ABRACL: variants seen among roughly 807,000 people sequenced by gnomAD.
ABRACL encodes costars family protein ABRACL.
A neutral mutation model predicts 7.0 loss-of-function variants in ABRACL; 4 were observed. That is an observed-to-expected ratio of 0.57 (90% confidence interval 0.28 to 1.30). The LOEUF is 1.30. ABRACL is among the 50% of genes most tolerant of loss of function. ABRACL has a pLI of 0.10. For missense variants in ABRACL, 104 were observed against 97.3 expected (o/e 1.07, Z -0.29); for synonymous variants, 30 against 36.0 (o/e 0.83, Z 0.60).
At chr6:139,041,511 G>GTT (rs1269099193) in intron 2 of ABRACL, among the ~76,000 whole-genome samples, 1 of 32,190 alleles carries the variant, frequency 3.1e-5, no homozygotes, top group African/African-American at 1.0e-4. Context: ...GTGTGTGTGT[G>GTT]TGTATATATA....
At chr6:139,040,626 C>T (rs2114315065) in intron 2 of ABRACL, among the ~76,000 whole-genome samples, 1 of 152,298 alleles carries the variant, frequency 6.6e-6, no homozygotes, top group South Asian at 2.1e-4. Context: ...CCACTTCTAC[C>T]TGTAATCAGT....
chr6:139,032,534 T>A (rs1786097693), intron 1 of ABRACL, among the ~76,000 whole-genome samples: 1 of 152,222 alleles, frequency 6.6e-6, no homozygotes, highest in African/African-American at 2.4e-5. Flanking sequence ...CTTTTAATAA[T>A]TAGCAGATAG....
chr6:139,034,119 T>G, intron 1 of ABRACL, 36 bp from the exon 2 acceptor site: 1 of 1,613,476 alleles, frequency 6.2e-7, no homozygotes, highest in Non-Finnish European at 8.5e-7. Flanking sequence ...TGGAATGTAA[T>G]GGTGATAATT....
intron 2 of ABRACL, among the ~76,000 whole-genome samples, chr6:139,041,531 A>T (rs9766363): frequency 0.26 from 32,109 of 125,490 alleles, 4,845 homozygotes; most frequent in East Asian, 0.53. Context: ...ATATATATAT[A>T]TTTTTTTTTA....
chr6:139,039,156 C>T lies in ABRACL; in HGVS notation c.62-3563C>T, dbSNP rs146229651. Among the ~76,000 whole-genome samples the T allele has an allele frequency of 1.4e-3, 207 of 151,166 alleles. No homozygotes were observed. The East Asian group carries it at 0.032, about 24-fold the overall frequency. On this transcript the variant is annotated intron_variant, in intron 2 of 2. Coordinates refer to ENST00000367660, the MANE Select transcript of ABRACL (RefSeq NM_021243.3). ...AGGAGAATCACTTGAACCTGGGAGG[C>T]GGAGGTTGCAGTGAGCCGAGACCAC... is the stretch of plus-strand genomic sequence containing the variant.
intron 2 of ABRACL, among the ~76,000 whole-genome samples, chr6:139,038,106 G>T (rs1305389901): frequency 6.6e-6 from 1 of 152,044 alleles, no homozygotes; most frequent in Non-Finnish European, 1.5e-5. Context: ...ATAGTTATAG[G>T]TGTTACAGGC....
intron 1 of ABRACL, among the ~76,000 whole-genome samples, chr6:139,029,706 G>A (rs74411525): frequency 6.6e-6 from 1 of 152,096 alleles, no homozygotes; most frequent in African/African-American, 2.4e-5. Context: ...GCCCCAGACC[G>A]GAGGGAGTAA....
chr6:139,036,018 C>T (rs1481617160), intron 2 of ABRACL, among the ~76,000 whole-genome samples: 2 of 151,884 alleles, frequency 1.3e-5, no homozygotes, highest in Non-Finnish European at 2.9e-5. Context: ...GCAGGAGAAT[C>T]GCTTGAACTC....
At chr6:139,032,227 G>A (rs1238326734) in intron 1 of ABRACL, among the ~76,000 whole-genome samples, 1 of 152,126 alleles carries the variant, frequency 6.6e-6, no homozygotes, top group African/African-American at 2.4e-5. Context: ...GCCTCCCAAA[G>A]TGCTGGGATT....
In ABRACL at chr6:139,034,216, C is replaced by G; in HGVS notation, c.56C>G (p.Ser19Ter). The part of the protein sequence containing the change: ...LLVEEIHRLG[S>*]KNADGKLSVK... ...GTGGAGGAAATTCATCGTTTGGGTTCAAAAAGTAAGTATCTGACAGAGATA... is the reference window on the plus strand; with the variant it reads ...GTGGAGGAAATTCATCGTTTGGGTTGAAAAAGTAAGTATCTGACAGAGATA... The change falls in exon 2 of 3, where the codon TCA becomes TGA. Residue 19 changes from serine to a stop codon, truncating the protein, a stop_gained. Transcript: ENST00000367660. LOFTEE classifies it high-confidence loss of function. 6.2e-7 allele frequency: 1 copy of G among 1,614,126 alleles called. No individual in the cohort carries two copies. Among genetic ancestry groups the G allele is most frequent in the Non-Finnish European group, 8.5e-7 (1 of 1,180,040 alleles).
At chr6:139,035,776 C>T (rs991907945) in intron 2 of ABRACL, among the ~76,000 whole-genome samples, 1 of 150,830 alleles carries the variant, frequency 6.6e-6, no homozygotes, top group Non-Finnish European at 1.5e-5. Flanking sequence ...AGCCACCACA[C>T]CCGGCCTAGT....
At chr6:139,033,636 A>G (rs1358132282) in intron 1 of ABRACL, among the ~76,000 whole-genome samples, 1 of 152,142 alleles carries the variant, frequency 6.6e-6, no homozygotes, top group Non-Finnish European at 1.5e-5. Context: ...GTCTGGCTGG[A>G]CCAGTCCTCC....
intron 2 of ABRACL, among the ~76,000 whole-genome samples, chr6:139,041,531 A>ATATATATATATATTTTT (rs748288046): frequency 7.9e-6 from 1 of 126,038 alleles, no homozygotes; most frequent in African/African-American, 3.1e-5. Context: ...ATATATATAT[A>ATATATATATATATTTTT]TTTTTTTTTA....
intron 2 of ABRACL, among the ~76,000 whole-genome samples, chr6:139,039,606 G>A (rs1204882111): frequency 1.3e-5 from 2 of 152,190 alleles, no homozygotes; most frequent in African/African-American, 2.4e-5. Flanking sequence ...TGGGTTTCTG[G>A]GCAGACGGCT....
At chr6:139,031,960 C>A (rs1156664107) in intron 1 of ABRACL, among the ~76,000 whole-genome samples, 1 of 91,966 alleles carries the variant, frequency 1.1e-5, no homozygotes, top group Non-Finnish European at 2.2e-5. Context: ...TAGTTTTTTC[C>A]CACTTTTTTT....
At chr6:139,042,597 G>C (rs1786268398) in intron 2 of ABRACL, 122 bp from the exon 3 acceptor site, 1 of 861,166 alleles carries the variant, frequency 1.2e-6, no homozygotes, top group Non-Finnish European at 1.8e-6. Flanking sequence ...TGACTGTTAA[G>C]TGTTAAATTG....
At chr6:139,034,629 C>A in intron 2 of ABRACL, 1 of 409,028 alleles carries the variant, frequency 2.4e-6, no homozygotes, top group South Asian at 5.5e-5. Context: ...AAAATATCAT[C>A]ATTTTACAAA....
chr6:139,033,334 T>G (rs1786108760), intron 1 of ABRACL, among the ~76,000 whole-genome samples: 2 of 152,240 alleles, frequency 1.3e-5, no homozygotes, highest in South Asian at 4.1e-4. Context: ...TGCAGATGAA[T>G]GAACTTCACC....
chr6:139,032,070 C>T (rs1786089619), intron 1 of ABRACL, among the ~76,000 whole-genome samples: 1 of 152,108 alleles, frequency 6.6e-6, no homozygotes, highest in Non-Finnish European at 1.5e-5. Flanking sequence ...ACGCCATACT[C>T]CTGCCTCAGC....
Sources: gnomAD v4.1 joint callset for allele counts (sites outside exome capture counted in the v4.1 genomes callset) on GRCh38, gnomAD v4.1.1 for gene constraint, MANE v1.5 for transcripts, NCBI Gene and HGNC (gene_info 2026-07-23, HGNC 2026-07-21) for gene names.